AMOTL1: variants seen among roughly 807,000 people sequenced by gnomAD.
The protein encoded by AMOTL1 is angiomotin like 1, also known as angiomotin-like protein 1.
AMOTL1 carries 45 observed loss-of-function variants against 102.9 expected under a neutral mutation model. The ratio of observed to expected loss-of-function variants is 0.44; its 90% CI spans 0.34 to 0.56. The LOEUF (loss-of-function observed/expected upper bound fraction) is 0.56. Among genes scored for constraint, AMOTL1 ranks in the 20% least tolerant of loss-of-function variants. The pLI, the probability that AMOTL1 is intolerant of heterozygous loss-of-function variation, is 0.01. For synonymous variants in AMOTL1, 481 were observed against 484.7 expected (o/e 0.99, Z 0.10); for missense variants, 1,114 against 1,225.6 (o/e 0.91, Z 1.36).
intron 1 of AMOTL1, 59 bp from the exon 2 acceptor site, chr11:94,794,952 C>T (rs969414235): frequency 6.9e-5 from 105 of 1,517,330 alleles, no homozygotes; most frequent in Non-Finnish European, 9.1e-5. Context: ...TTGTGAGTCA[C>T]ACAGGAAGGA....
intron 12 of AMOTL1, 31 bp from the exon 13 acceptor site, chr11:94,870,657 TG>T: frequency 6.5e-7 from 1 of 1,528,126 alleles, no homozygotes; most frequent in Non-Finnish European, 8.9e-7. Context: ...TCCTGAGGAA[TG>T]GGCAGCTGAT....
chr11:94,850,811 C>T (rs891187872), intron 7 of AMOTL1, among the ~76,000 whole-genome samples: 5 of 152,166 alleles, frequency 3.3e-5, no homozygotes, highest in Admixed American at 1.3e-4. Flanking sequence ...GAGCAGGATC[C>T]GTTCCAGGAA....
chr11:94,725,682 G>A lies in AMOTL1; in HGVS notation c.-50-3239G>A, dbSNP rs191856730. Among the ~76,000 whole-genome samples the A allele has an allele frequency of 3.9e-5, 6 of 152,216 alleles. No individual in the cohort carries two copies. The East Asian group carries it at 9.7e-4, about 25-fold the overall frequency. On this transcript the variant is annotated intron_variant, in intron 1 of 4. Coordinates refer to the AMOTL1 transcript ENST00000299004. ...ACCAAGTCTAAGATGAGATGTGGAAGATAAGTTGTAGTTAGCAAGATGAAG... is the reference window on the plus strand; with the variant it reads ...ACCAAGTCTAAGATGAGATGTGGAAAATAAGTTGTAGTTAGCAAGATGAAG...
intron 3 of AMOTL1, among the ~76,000 whole-genome samples, chr11:94,805,461 T>C (rs2135584461): frequency 6.6e-6 from 1 of 152,334 alleles, no homozygotes; most frequent in South Asian, 2.1e-4. Context: ...TAGATATTTT[T>C]ATTAGAATGT....
intron 1 of AMOTL1, among the ~76,000 whole-genome samples, chr11:94,728,752 T>C (rs1950299671): frequency 6.6e-6 from 1 of 152,166 alleles, no homozygotes; most frequent in South Asian, 2.1e-4. Context: ...GTTTGTGGGC[T>C]TGAGCAACTT....
chr11:94,805,228 C>A (rs1050595414), intron 3 of AMOTL1, among the ~76,000 whole-genome samples: 1 of 152,160 alleles, frequency 6.6e-6, no homozygotes, highest in Non-Finnish European at 1.5e-5. Flanking sequence ...CTGTGCTCTG[C>A]CCACCTTCTG....
chr11:94,875,948 A>C lies in AMOTL1; in HGVS notation c.*5153A>C, dbSNP rs566345952. On this transcript the variant is annotated 3_prime_UTR_variant, in exon 13 of 13. Coordinates refer to ENST00000433060, the MANE Select transcript of AMOTL1 (RefSeq NM_130847.3). ...GTAGGTATTCTGTAAAACTGTGTTT[A>C]CTTTAGTGCATGTTATTGTCATGTT... The C allele has an allele frequency of 1.3e-5, 2 of 152,756 alleles. No homozygotes were observed. Among genetic ancestry groups the C allele is most frequent in the South Asian group, 4.1e-4 (2 of 4,830 alleles). The allele number at this position is 152,756 out of a possible 1,614,324, so 9.5% of individuals were successfully genotyped here. A position where few individuals can be genotyped will look rare whatever the true frequency, so the allele number is the denominator to read the frequency against.
chr11:94,829,946 A>G, intron 4 of AMOTL1, 104 bp from the exon 5 acceptor site: 1 of 1,165,258 alleles, frequency 8.6e-7, no homozygotes, highest in Non-Finnish European at 1.2e-6. Flanking sequence ...GAAAGACTGC[A>G]TTGAAGATAC....
At chr11:94,719,458 CA>C (rs1565325994) in intron 1 of AMOTL1, among the ~76,000 whole-genome samples, 1 of 151,872 alleles carries the variant, frequency 6.6e-6, no homozygotes, top group African/African-American at 2.4e-5. Context: ...ACATAGTATA[CA>C]ATGTATGCAT....
At position 94,821,519 on chromosome 11, in the gene AMOTL1, T is replaced by C. The variant is rs1951865219; in HGVS notation, c.1122-11T>C. On this transcript the variant is annotated splice_polypyrimidine_tract_variant and intron_variant, in intron 3 of 12. Transcript: ENST00000433060. Reference sequence around the variant, plus strand: ...CCCAGGCTCTAACTGCTGCCTTCCATTGCCTTGCAGCCGCCCATGCCAACT... The same window carrying C: ...CCCAGGCTCTAACTGCTGCCTTCCACTGCCTTGCAGCCGCCCATGCCAACT... The C allele has an allele frequency of 6.2e-7, 1 of 1,610,002 alleles. No individual in the cohort carries two copies. Among genetic ancestry groups the C allele is most frequent in the Non-Finnish European group, 8.5e-7 (1 of 1,177,306 alleles).
At chr11:94,783,073 G>C (rs1204162636) in intron 1 of AMOTL1, among the ~76,000 whole-genome samples, 1 of 152,046 alleles carries the variant, frequency 6.6e-6, no homozygotes, top group Non-Finnish European at 1.5e-5. Flanking sequence ...AGTATAAAAG[G>C]ATCCTAAAAC....
rs1953039046 is a variant in AMOTL1 at position 94,873,394 on chromosome 11, T to C, written c.*2599T>C. The C allele has an allele frequency of 6.6e-6, 1 of 152,254 alleles. No homozygotes were observed. The highest frequency in any genetic ancestry group is 2.1e-4 in the South Asian group (1 of 4,828). The allele number at this position is 152,254 out of a possible 1,614,324, so 9.4% of individuals were successfully genotyped here. On this transcript the variant is annotated 3_prime_UTR_variant, in exon 13 of 13. Coordinates refer to ENST00000433060, the MANE Select transcript of AMOTL1 (RefSeq NM_130847.3). ...CTAAATTCTTTCATCATTAGAGCTT[T>C]CCTGAAGTCCGGCCATATACTGAGT...
intron 11 of AMOTL1, chr11:94,866,449 C>A (rs1268433962): frequency 2.3e-6 from 1 of 432,898 alleles, no homozygotes; most frequent in Admixed American, 3.6e-5. Flanking sequence ...ACACAAAAGG[C>A]TCTCATAGAA....
upstream of AMOTL1, among the ~76,000 whole-genome samples, chr11:94,764,088 C>G (rs1016309311): frequency 2.6e-5 from 4 of 152,220 alleles, no homozygotes; most frequent in Non-Finnish European, 4.4e-5. Flanking sequence ...ATATCCTCCT[C>G]TCAGCACCTG....
chr11:94,825,279 T>C (rs751576050), intron 4 of AMOTL1, among the ~76,000 whole-genome samples: 67 of 152,270 alleles, frequency 4.4e-4, no homozygotes, highest in Non-Finnish European at 9.3e-4. Context: ...CCCTCTTTTG[T>C]GAGTGAAACA....
intron 3 of AMOTL1, among the ~76,000 whole-genome samples, chr11:94,751,072 A>C (rs2135489545): frequency 6.6e-6 from 1 of 152,200 alleles, no homozygotes; most frequent in South Asian, 2.1e-4. Context: ...TAGGAAGGAG[A>C]ATGTACAAGT....
At position 94,821,670 on chromosome 11, in the gene AMOTL1, C is replaced by T. The variant is rs199723214; in HGVS notation, c.1262C>T (p.Pro421Leu). 174 of 1,613,954 alleles carry T rather than the reference C, an allele frequency of 1.1e-4. No individual in the cohort carries two copies. Among genetic ancestry groups the T allele is most frequent in the African/African-American group, 1.3e-4 (10 of 75,056 alleles). Residue 421 changes from proline (P) to leucine (L), a missense_variant, in exon 4 of 13, where the codon CCG (proline) becomes CTG (leucine). Transcript: ENST00000433060. ...ATGGCCCTGGGTGCTCCACAGCCCC[C>T]GCCTGCCGCCTCCCCCAGCCAGCAG... ...LPMALGAPQP[P>L]PAASPSQQLG...
intron 1 of AMOTL1, among the ~76,000 whole-genome samples, chr11:94,775,624 A>T (rs534779301): frequency 1.3e-5 from 2 of 152,266 alleles, no homozygotes; most frequent in African/African-American, 4.8e-5. Context: ...CGAAATGAAA[A>T]ATTCAGGACC....
In AMOTL1 at chr11:94,870,838, A is replaced by C. The variant is rs1196833386; in HGVS notation, c.*43A>C. 1 of 1,492,412 alleles carries C rather than the reference A, an allele frequency of 6.7e-7. No homozygotes were observed. The highest frequency in any genetic ancestry group is 1.2e-5 in the South Asian group (1 of 80,716). 92.4% of individuals were successfully genotyped at this position (1,492,412 alleles called of 1,614,324 possible). ...TTTCAGTACAGAACACTGACAAACA[A>C]GGAAAGCGGCAGAGAAAGAAGAAAG... On this transcript the variant is annotated 3_prime_UTR_variant, in exon 13 of 13. Coordinates refer to ENST00000433060, the MANE Select transcript of AMOTL1 (RefSeq NM_130847.3).
Sources: allele counts gnomAD v4.1 joint callset (sites outside exome capture counted in the v4.1 genomes callset), GRCh38; gene constraint gnomAD v4.1.1; transcripts MANE v1.5; gene names NCBI Gene and HGNC (gene_info 2026-07-23, HGNC 2026-07-21).